ASTN2: variants seen among roughly 807,000 people sequenced by gnomAD.
ASTN2 encodes astrotactin 2.
A neutral mutation model predicts 139.8 loss-of-function variants in ASTN2; 54 were observed. The observed-to-expected ratio is 0.39, with a 90% CI of 0.31 to 0.48. The LOEUF is 0.48. Among genes scored for constraint, ASTN2 ranks in the 20% least tolerant of loss-of-function variants. ASTN2 has a pLI of 0.95. For missense variants in ASTN2, 1,565 were observed against 1,725.1 expected (o/e 0.91, Z 1.64); for synonymous variants, 756 against 719.5 (o/e 1.05, Z -0.81).
intron 7 of ASTN2, among the ~76,000 whole-genome samples, chr9:116,977,329 T>A (rs550516937): frequency 6.6e-6 from 1 of 152,304 alleles, no homozygotes; most frequent in South Asian, 2.1e-4. Context: ...TTTTCATTTT[T>A]AAATTATTTT....
intron 13 of ASTN2, among the ~76,000 whole-genome samples, chr9:116,803,328 T>TA (rs1830918094): frequency 1.3e-5 from 2 of 148,356 alleles, no homozygotes; most frequent in South Asian, 2.1e-4. Flanking sequence ...TTTTTTTTTT[T>TA]AAATAGAGAC....
intron 11 of ASTN2, among the ~76,000 whole-genome samples, chr9:116,858,353 C>T (rs955233657): frequency 5.9e-5 from 9 of 152,110 alleles, no homozygotes; most frequent in Non-Finnish European, 8.8e-5. Flanking sequence ...TTGTGTTTAC[C>T]AGATTGTCTG....
intron 10 of ASTN2, among the ~76,000 whole-genome samples, chr9:116,900,709 A>C (rs1375875539): frequency 2.6e-5 from 4 of 152,108 alleles, no homozygotes; most frequent in Non-Finnish European, 5.9e-5. Context: ...AGAGGAACTA[A>C]GCCATCACCT....
chr9:116,976,585 T>G, intron 8 of ASTN2, 116 bp downstream of exon 8: 1 of 839,636 alleles, frequency 1.2e-6, no homozygotes, highest in Non-Finnish European at 1.9e-6. Flanking sequence ...GCAGGAACAC[T>G]ACTGTTGCAG....
chr9:116,912,899 AATTATT>A (rs1245492924), intron 10 of ASTN2, among the ~76,000 whole-genome samples: 1 of 151,898 alleles, frequency 6.6e-6, no homozygotes, highest in Admixed American at 6.6e-5. Context: ...TCATCCAGGT[AATTATT>A]ATTATTATTT....
chr9:116,926,424 A>C (rs780707458), intron 10 of ASTN2, among the ~76,000 whole-genome samples: 10 of 152,158 alleles, frequency 6.6e-5, no homozygotes, highest in Non-Finnish European at 1.5e-4. Flanking sequence ...GCTCTTGTAG[A>C]AACTTCTCTG....
intron 11 of ASTN2, among the ~76,000 whole-genome samples, chr9:116,833,976 C>CAAA (rs34675550): frequency 0.015 from 2,250 of 152,156 alleles, 18 homozygotes; most frequent in African/African-American, 0.026. Flanking sequence ...GGAATTTCAC[C>CAAA]AAAAAACGAA....
chr9:117,109,230 C>T (rs970143248), intron 4 of ASTN2, among the ~76,000 whole-genome samples: 7 of 151,796 alleles, frequency 4.6e-5, no homozygotes, highest in Admixed American at 4.6e-4. Context: ...TGCAGTGAGC[C>T]GAGATCTTGC....
chr9:116,815,828 A>AAAAAAAAAG lies in ASTN2; in HGVS notation c.2207+4788_2207+4789insCTTTTTTTT, dbSNP rs1554750237. ...TCAAAAAAAAAAAAAAAAAAAAAAA[A>AAAAAAAAAG]GTTGATGAAATGGCTCACTATCTCT... On this transcript the variant is annotated intron_variant, in intron 12 of 22. Transcript: ENST00000313400. Among the ~76,000 whole-genome samples the AAAAAAAAAG allele has an allele frequency of 7.5e-5, 11 of 145,984 alleles. 1 individual carries two copies. The highest frequency in any genetic ancestry group is 1.2e-4 in the Non-Finnish European group (8 of 66,134).
chr9:117,102,337 G>A (rs7031714), intron 4 of ASTN2, among the ~76,000 whole-genome samples: 124,007 of 152,094 alleles, frequency 0.82, 51,051 homozygotes, highest in Non-Finnish European at 0.88. Flanking sequence ...AGCTAAATCC[G>A]TAGAGATGGA....
chr9:116,840,602 A>G (rs1177897468), intron 11 of ASTN2, among the ~76,000 whole-genome samples: 2 of 19,866 alleles, frequency 1.0e-4, no homozygotes, highest in Admixed American at 5.9e-4. Flanking sequence ...CCGGGCGGAG[A>G]CGCTCCTCAC....
intron 1 of ASTN2, among the ~76,000 whole-genome samples, chr9:117,292,278 C>A (rs1424178986): frequency 6.6e-6 from 1 of 152,028 alleles, no homozygotes; most frequent in Non-Finnish European, 1.5e-5. Context: ...GCTGGTTTTC[C>A]TTCTGTAAAT....
At chr9:117,112,912 A>T (rs1272312892) in intron 4 of ASTN2, among the ~76,000 whole-genome samples, 1 of 152,204 alleles carries the variant, frequency 6.6e-6, no homozygotes, top group East Asian at 1.9e-4. Flanking sequence ...ATACAAGGAG[A>T]TAAGCAAATA....
chr9:116,807,680 T>G (rs1564278697), intron 12 of ASTN2, among the ~76,000 whole-genome samples: 1 of 152,206 alleles, frequency 6.6e-6, no homozygotes, highest in East Asian at 1.9e-4. Flanking sequence ...ATCCATTTAT[T>G]GAGAAAATAT....
intron 10 of ASTN2, among the ~76,000 whole-genome samples, chr9:116,947,077 G>A (rs568570726): frequency 1.1e-4 from 17 of 152,042 alleles, no homozygotes; most frequent in Non-Finnish European, 2.1e-4. Context: ...ACTAACCCTT[G>A]ATATTTCTTC....
At chr9:116,921,252 C>T (rs1171575218) in intron 10 of ASTN2, among the ~76,000 whole-genome samples, 1 of 152,154 alleles carries the variant, frequency 6.6e-6, no homozygotes, top group Non-Finnish European at 1.5e-5. Context: ...ATGATCCAAT[C>T]ACCTTCCACC....
chr9:116,539,962 T>C (rs538134743), intron 19 of ASTN2, among the ~76,000 whole-genome samples: 26 of 152,144 alleles, frequency 1.7e-4, no homozygotes, highest in Non-Finnish European at 3.2e-4. Flanking sequence ...AAGAAACCAT[T>C]GGGTTATAGT....
intron 1 of ASTN2, among the ~76,000 whole-genome samples, chr9:117,384,447 T>TA (rs1830346667): frequency 6.6e-6 from 1 of 152,204 alleles, no homozygotes; most frequent in Non-Finnish European, 1.5e-5. Context: ...TGCTACCAGA[T>TA]AAATGACTAG....
intron 3 of ASTN2, among the ~76,000 whole-genome samples, chr9:117,143,661 A>G (rs999128984): frequency 6.6e-6 from 1 of 152,180 alleles, no homozygotes; most frequent in Non-Finnish European, 1.5e-5. Flanking sequence ...AACAACAGAC[A>G]TTTATTTTTT....
Sources: allele counts gnomAD v4.1 joint callset (sites outside exome capture counted in the v4.1 genomes callset), GRCh38; gene constraint gnomAD v4.1.1; transcripts MANE v1.5; gene names NCBI Gene and HGNC (gene_info 2026-07-23, HGNC 2026-07-21).